MEF2C: variants seen among roughly 807,000 people sequenced by gnomAD.
MEF2C encodes myocyte enhancer factor 2C, also known as myocyte-specific enhancer factor 2C.
In MEF2C, 6 loss-of-function variants were observed where a neutral mutation model predicts 50.5. The ratio of observed to expected loss-of-function variants is 0.12; its 90% confidence interval spans 0.07 to 0.23. The LOEUF (loss-of-function observed/expected upper bound fraction) is 0.23. MEF2C is among the 10% of genes least tolerant of loss of function. MEF2C has a pLI of 1.00. For synonymous variants in MEF2C, 183 were observed against 228.0 expected (o/e 0.80, Z 1.78); for missense variants, 276 against 605.0 (o/e 0.46, Z 5.70).
chr5:88,827,914 T>TA (rs5869444), intron 1 of MEF2C, among the ~76,000 whole-genome samples: 51,987 of 141,916 alleles, frequency 0.37, 10,198 homozygotes, highest in African/African-American at 0.54. Context: ...GCTCCCACAT[T>TA]AAAAAAAAAA....
intron 1 of MEF2C, among the ~76,000 whole-genome samples, chr5:88,870,977 A>G (rs937209037): frequency 6.6e-6 from 1 of 152,134 alleles, no homozygotes; most frequent in Non-Finnish European, 1.5e-5. Flanking sequence ...AGAGTGCTAC[A>G]ATATTTTATT....
At chr5:88,743,726 T>C (rs945035894) in intron 6 of MEF2C, 3 of 985,310 alleles carry the variant, frequency 3.0e-6, no homozygotes, top group Non-Finnish European at 3.6e-6. Flanking sequence ...GCTCAATATT[T>C]ATCCACGGCA....
intron 1 of MEF2C, among the ~76,000 whole-genome samples, chr5:88,900,845 C>G (rs1835582716): frequency 6.6e-6 from 1 of 151,960 alleles, no homozygotes; most frequent in African/African-American, 2.4e-5. Flanking sequence ...AGGTCACCAC[C>G]TTGGTGACCT....
intron 2 of MEF2C, among the ~76,000 whole-genome samples, chr5:88,810,283 T>C (rs746192344): frequency 3.3e-5 from 5 of 152,104 alleles, no homozygotes; most frequent in Non-Finnish European, 7.4e-5. Context: ...GATAAAGTAA[T>C]TACACTATCT....
Position 88,717,249 on chromosome 5 carries a change from C to A in MEF2C, c.*5355G>T, listed in dbSNP as rs942612520. 1 of 152,282 alleles carries A rather than the reference C, an allele frequency of 6.6e-6. No individual in the cohort carries two copies. The highest frequency in any genetic ancestry group is 2.4e-5 in the African/African-American group (1 of 41,540). 9.4% of individuals were successfully genotyped at this position (152,282 alleles called of 1,614,324 possible). On this transcript the variant is annotated 3_prime_UTR_variant, in exon 11 of 11. Transcript: ENST00000504921. ...CCCACAAACAGCTTTGAACTCATCCCCTTCTGGGCCTTTCTCAATCCTGCC... is the reference window on the plus strand; with the variant it reads ...CCCACAAACAGCTTTGAACTCATCCACTTCTGGGCCTTTCTCAATCCTGCC...
chr5:88,779,233 C>A lies in MEF2C; in HGVS notation c.259-17905G>T, dbSNP rs970700110. On this transcript the variant is annotated intron_variant, in intron 3 of 10. Transcript: ENST00000504921. The stretch of plus-strand genomic sequence containing the variant: ...CATCATTCTGAACAGAATCACACTT[C>A]TTTTTAAAAGATCACTGTTAAAAGA... Among the ~76,000 whole-genome samples the A allele has an allele frequency of 3.9e-4, 59 of 152,248 alleles. 1 individual carries two copies. The highest frequency in any genetic ancestry group is 1.4e-3 in the African/African-American group (59 of 41,542).
intron 6 of MEF2C, chr5:88,734,361 C>T: frequency 3.0e-6 from 3 of 985,246 alleles, no homozygotes; most frequent in Non-Finnish European, 2.4e-6. Flanking sequence ...AGAAAAAAGT[C>T]TGTTAAGCAG....
chr5:88,875,007 A>G (rs1477935981), intron 1 of MEF2C, among the ~76,000 whole-genome samples: 1 of 151,972 alleles, frequency 6.6e-6, no homozygotes, highest in Admixed American at 6.6e-5. Flanking sequence ...GAAAGGAGCC[A>G]TGGCAGCTAG....
At chr5:88,879,158 CATT>C (rs1304271465) in intron 1 of MEF2C, among the ~76,000 whole-genome samples, 1 of 151,842 alleles carries the variant, frequency 6.6e-6, no homozygotes, top group Non-Finnish European at 1.5e-5. Context: ...ATGGGTGACT[CATT>C]AGTGTTTTAT....
intron 1 of MEF2C, among the ~76,000 whole-genome samples, chr5:88,879,898 T>C (rs1581932144): frequency 6.6e-6 from 1 of 152,240 alleles, no homozygotes; most frequent in East Asian, 1.9e-4. Context: ...CTTTGACCTA[T>C]CAAAATAACA....
chr5:88,860,350 G>A (rs1825074095), intron 1 of MEF2C, among the ~76,000 whole-genome samples: 1 of 151,232 alleles, frequency 6.6e-6, no homozygotes, highest in South Asian at 2.1e-4. Context: ...GGTAAGGTAG[G>A]TTTTTGGCAA....
intron 6 of MEF2C, chr5:88,734,560 A>AGTTTGTTT (rs767752151): frequency 1.9e-6 from 1 of 527,184 alleles, no homozygotes; most frequent in Non-Finnish European, 2.2e-6. Context: ...CCTTGAGAAA[A>AGTTTGTTT]GTTTGTTTTT....
At chr5:88,887,935 T>C (rs1156709589), upstream of MEF2C, among the ~76,000 whole-genome samples, 1 of 152,242 alleles carries the variant, frequency 6.6e-6, no homozygotes, top group Non-Finnish European at 1.5e-5. Context: ...AAGGATTCTA[T>C]GTTTATCTGT....
chr5:88,808,866 C>G (rs1801600241), intron 2 of MEF2C, among the ~76,000 whole-genome samples: 1 of 151,982 alleles, frequency 6.6e-6, no homozygotes, highest in Admixed American at 6.6e-5. Context: ...TTACATTTTT[C>G]TTAACTTGAT....
chr5:88,724,740 A>G (rs990649188), intron 10 of MEF2C, among the ~76,000 whole-genome samples: 2 of 152,056 alleles, frequency 1.3e-5, no homozygotes, highest in East Asian at 1.9e-4. Flanking sequence ...ATGGTAGACT[A>G]TTTTATCTTG....
At chr5:88,867,756 TAGA>T (rs1167112842) in intron 1 of MEF2C, among the ~76,000 whole-genome samples, 3 of 152,210 alleles carry the variant, frequency 2.0e-5, no homozygotes, top group South Asian at 2.1e-4. Context: ...ATTATATTTA[TAGA>T]AGATCAGTCC....
At chr5:88,799,883 C>T (rs1399304287) in intron 3 of MEF2C, among the ~76,000 whole-genome samples, 5 of 89,660 alleles carry the variant, frequency 5.6e-5, no homozygotes, top group Non-Finnish European at 1.1e-4. Flanking sequence ...CACACACACA[C>T]ACACACACAC....
In MEF2C at chr5:88,845,075, G is replaced by C. The variant is rs188596649; in HGVS notation, c.-142-21145C>G. 1.9e-4 allele frequency among the ~76,000 whole-genome samples: 29 copies of C among 152,274 alleles called. No individual in the cohort carries two copies. The East Asian group carries it at 5.4e-3, about 28-fold the overall frequency. On this transcript the variant is annotated intron_variant, in intron 1 of 10. Transcript: ENST00000504921. ...AGCAACTTTTTAATACTTTACAATA[G>C]ATAGGATACTAAAAAACGTCAAGGA... is the stretch of plus-strand genomic sequence containing the variant.
intron 1 of MEF2C, among the ~76,000 whole-genome samples, chr5:88,855,361 AATAAG>A (rs1434787075): frequency 6.6e-6 from 1 of 152,230 alleles, no homozygotes; most frequent in African/African-American, 2.4e-5. Flanking sequence ...AACATACAGT[AATAAG>A]ATGATATACT....
Sources: allele counts gnomAD v4.1 joint callset (sites outside exome capture counted in the v4.1 genomes callset), GRCh38; gene constraint gnomAD v4.1.1; transcripts MANE v1.5; gene names NCBI Gene and HGNC (gene_info 2026-07-23, HGNC 2026-07-21).